The following LZTFL1 variants were observed in gnomAD, a reference collection of about 807,000 sequenced individuals.
LZTFL1 encodes the protein leucine zipper transcription factor like 1, also known as leucine zipper transcription factor-like protein 1.
LZTFL1 carries 25 observed loss-of-function variants against 45.9 expected under a neutral mutation model. The observed-to-expected ratio is 0.54, with a 90% confidence interval of 0.40 to 0.76. The LOEUF is 0.76. Among genes scored for constraint, LZTFL1 ranks in the 30% least tolerant of loss-of-function variants. LZTFL1 has a pLI of 0.00. For missense variants in LZTFL1, 277 were observed against 331.1 expected, an observed-to-expected ratio of 0.84 and a Z score of 1.27; for synonymous variants, 93 against 117.4, an observed-to-expected ratio of 0.79 and a Z score of 1.35.
At position 45,901,253 on chromosome 3, in the gene LZTFL1, T is replaced by C. The variant is rs1273608396; in HGVS notation, c.-215+11867A>G. ...CCATTGCCCAGGCCATGAGAGCACA[T>C]ACTTGGAGGGAGAAAAGGCTTTTGT... On this transcript the variant is annotated intron_variant, in intron 2 of 4. Transcript: ENST00000472635. The surrounding 1 kb of genome is among the most constrained non-coding windows in gnomAD (Gnocchi z 4.3). The C allele has an allele frequency of 1.2e-6, 2 of 1,614,168 alleles. No homozygotes were observed. Among genetic ancestry groups the C allele is most frequent in the Non-Finnish European group, 8.5e-7 (1 of 1,180,036 alleles).
At chr3:45,834,392 TG>T in intron 3 of LZTFL1, 94 bp from the exon 4 acceptor site, 2 of 780,678 alleles carry the variant, frequency 2.6e-6, no homozygotes, top group South Asian at 3.2e-5. Flanking sequence ...ACCCATTACA[TG>T]CCAGAGAGAA....
chr3:45,862,823 C>G (rs1400235141), intron 2 of LZTFL1, among the ~76,000 whole-genome samples: 1 of 152,226 alleles, frequency 6.6e-6, no homozygotes, highest in Non-Finnish European at 1.5e-5. Context: ...CTCAGGCACT[C>G]TTCTGGAATT....
intron 9 of LZTFL1, among the ~76,000 whole-genome samples, chr3:45,826,906 G>A (rs929244823): frequency 2.0e-5 from 3 of 152,216 alleles, no homozygotes; most frequent in African/African-American, 4.8e-5. Context: ...CTAATCCTAT[G>A]TAGAACACGG....
chr3:45,829,581 G>A (rs904310739), intron 7 of LZTFL1, among the ~76,000 whole-genome samples: 2 of 94,898 alleles, frequency 2.1e-5, no homozygotes, highest in African/African-American at 4.5e-5. Context: ...TCCAGCATGG[G>A]AAACAGAATA....
At position 45,826,192 on chromosome 3, in the gene LZTFL1, C is replaced by T; in HGVS notation, c.*122G>A. 1 of 848,064 alleles carries T rather than the reference C, an allele frequency of 1.2e-6. No homozygotes were observed. Among genetic ancestry groups the T allele is most frequent in the Non-Finnish European group, 1.9e-6 (1 of 522,970 alleles). 52.5% of individuals were successfully genotyped at this position (848,064 alleles called of 1,614,324 possible). A position where few individuals can be genotyped will look rare whatever the true frequency, so the allele number is the denominator to read the frequency against. On this transcript the variant is annotated 3_prime_UTR_variant, in exon 10 of 10. Coordinates refer to ENST00000296135, the MANE Select transcript of LZTFL1 (RefSeq NM_020347.4). ...AATAGGAACTCTAGTTCTAAATATTCAAAGTCTAAATATTAGAAAAATAAG... is the reference window on the plus strand; with the variant it reads ...AATAGGAACTCTAGTTCTAAATATTTAAAGTCTAAATATTAGAAAAATAAG...
intron 2 of LZTFL1, chr3:45,895,178 G>A (rs1449552234): frequency 1.8e-6 from 1 of 567,752 alleles, no homozygotes; most frequent in Non-Finnish European, 3.1e-6. Flanking sequence ...TGGAGACAGA[G>A]GAAAATGTGG....
intron 2 of LZTFL1, among the ~76,000 whole-genome samples, chr3:45,876,451 TC>T (rs944560649): frequency 6.6e-6 from 1 of 152,168 alleles, no homozygotes; most frequent in Non-Finnish European, 1.5e-5. Flanking sequence ...GCTATTAGTG[TC>T]CCTGTTTTAC....
chr3:45,868,768 C>G (rs1422341451), intron 2 of LZTFL1, among the ~76,000 whole-genome samples: 4 of 152,168 alleles, frequency 2.6e-5, no homozygotes, highest in African/African-American at 7.2e-5. Flanking sequence ...CCAAGCCTCT[C>G]TGATACATTG....
upstream of LZTFL1, among the ~76,000 whole-genome samples, chr3:45,844,450 A>G (rs529623441): frequency 6.6e-6 from 1 of 152,226 alleles, no homozygotes; most frequent in East Asian, 1.9e-4. Context: ...GAAAATGATT[A>G]AGTAAAAAAA....
chr3:45,883,335 T>C (rs957116003), intron 2 of LZTFL1, among the ~76,000 whole-genome samples: 1 of 152,250 alleles, frequency 6.6e-6, no homozygotes, highest in African/African-American at 2.4e-5. Flanking sequence ...AAGAGATTGA[T>C]AAATTCAAAG....
chr3:45,886,036 T>G (rs971543989), intron 2 of LZTFL1, among the ~76,000 whole-genome samples: 7 of 152,194 alleles, frequency 4.6e-5, no homozygotes, highest in African/African-American at 1.7e-4. Context: ...GCATTTTAAT[T>G]AATTTGAATT....
chr3:45,898,788 A>G (rs910435986), intron 2 of LZTFL1, among the ~76,000 whole-genome samples: 3 of 152,262 alleles, frequency 2.0e-5, no homozygotes, highest in African/African-American at 7.2e-5. Context: ...ATGTTCCAAT[A>G]AATTTAGAAA....
chr3:45,825,051 A>G lies in LZTFL1; in HGVS notation c.*1263T>C, dbSNP rs1236811930. The G allele has an allele frequency of 2.5e-6, 1 of 395,114 alleles. No individual in the cohort carries two copies. The highest frequency in any genetic ancestry group is 2.1e-5 in the African/African-American group (1 of 48,556). The allele number at this position is 395,114 out of a possible 1,614,324, so 24.5% of individuals were successfully genotyped here. On this transcript the variant is annotated 3_prime_UTR_variant, in exon 10 of 10. Transcript: ENST00000296135. ...CTATTTTAACAAAAAGCCTATAAGA[A>G]AAATAATAAATTCAAGGCTATTACT...
At chr3:45,861,096 C>T (rs759829528) in intron 2 of LZTFL1, among the ~76,000 whole-genome samples, 2 of 151,850 alleles carry the variant, frequency 1.3e-5, no homozygotes, top group East Asian at 1.9e-4. Context: ...TTAGGAGAGG[C>T]GATGGACACT....
chr3:45,902,829 A>C (rs1369488552), intron 2 of LZTFL1: 1 of 167,068 alleles, frequency 6.0e-6, no homozygotes, highest in African/African-American at 2.4e-5. Flanking sequence ...ATTCTGAGGA[A>C]TACAGTGAGC....
At chr3:45,876,207 C>T (rs1243334746) in intron 2 of LZTFL1, among the ~76,000 whole-genome samples, 1 of 152,154 alleles carries the variant, frequency 6.6e-6, no homozygotes, top group Non-Finnish European at 1.5e-5. Flanking sequence ...CATAGGACAG[C>T]TCAAAGGCTT....
At position 45,837,032 on chromosome 3, in the gene LZTFL1, A is replaced by G. The variant is rs145571321; in HGVS notation, c.128+895T>C. Reference sequence around the variant, plus strand: ...CAACCTCAGCTTTATTTTCTTCCCTACTTCCAAAAAGACATCATCAAGCAA... The same window carrying G: ...CAACCTCAGCTTTATTTTCTTCCCTGCTTCCAAAAAGACATCATCAAGCAA... On this transcript the variant is annotated intron_variant, in intron 2 of 9. Coordinates refer to ENST00000296135, the MANE Select transcript of LZTFL1 (RefSeq NM_020347.4). Among the ~76,000 whole-genome samples, 1,411 of 152,228 alleles carry G rather than the reference A, an allele frequency of 9.3e-3. 28 individuals carry two copies. Among genetic ancestry groups the G allele is most frequent in the African/African-American group, 0.032 (1,327 of 41,546 alleles).
At position 45,900,965 on chromosome 3, in the gene LZTFL1, C is replaced by T. The variant is rs1193129483; in HGVS notation, c.-215+12155G>A. On this transcript the variant is annotated intron_variant, in intron 2 of 4. Transcript: ENST00000472635. The surrounding 1 kb of genome is among the most constrained non-coding windows in gnomAD (Gnocchi z 4.7). ...TCCCACCCTTGTACTGGCTCGTGTT[C>T]ATCGTGGGTGCCTTGGGCAACAGTC... is the stretch of plus-strand genomic sequence containing the variant. 2 of 1,614,070 alleles carry T rather than the reference C, an allele frequency of 1.2e-6. No individual in the cohort carries two copies. The highest frequency in any genetic ancestry group is 1.3e-5 in the African/African-American group (1 of 74,914).
intron 3 of LZTFL1, 52 bp from the exon 4 acceptor site, chr3:45,834,350 C>T: frequency 8.2e-7 from 1 of 1,223,804 alleles, no homozygotes; most frequent in Non-Finnish European, 1.2e-6. Context: ...AGATTTATAT[C>T]ACACGCAAGA....
Sources: allele counts gnomAD v4.1 joint callset (sites outside exome capture counted in the v4.1 genomes callset), GRCh38; gene constraint gnomAD v4.1.1; non-coding constraint Gnocchi (gnomAD v3.1); transcripts MANE v1.5; gene names NCBI Gene and HGNC (gene_info 2026-07-23, HGNC 2026-07-21).